The following RIMBP2 variants were observed in gnomAD, a reference collection of about 807,000 sequenced individuals.
RIMBP2 encodes the protein RIMS binding protein 2, also known as RIMS-binding protein 2.
In RIMBP2, 48 loss-of-function variants were observed where a neutral mutation model predicts 118.6. The observed-to-expected ratio is 0.40, with a 90% CI of 0.32 to 0.51. The LOEUF is 0.51. Among genes scored for constraint, RIMBP2 ranks in the 20% least tolerant of loss-of-function variants. RIMBP2 has a pLI of 0.41. For synonymous variants in RIMBP2, 762 were observed against 742.9 expected (o/e 1.03, Z -0.42); for missense variants, 1,551 against 1,768.3 (o/e 0.88, Z 2.20).
intron 2 of RIMBP2, among the ~76,000 whole-genome samples, chr12:130,573,451 C>T (rs1213566283): frequency 6.6e-6 from 1 of 151,620 alleles, no homozygotes; most frequent in Non-Finnish European, 1.5e-5. Context: ...TGGGTGCGTG[C>T]GTGGGTGCAT....
intron 1 of RIMBP2, among the ~76,000 whole-genome samples, chr12:130,634,599 T>G (rs868838300): frequency 2.7e-5 from 4 of 149,716 alleles, no homozygotes; most frequent in African/African-American, 7.3e-5. Flanking sequence ...AGATGACTTT[T>G]TTTTTTTTTC....
In RIMBP2 at chr12:130,442,158, C is replaced by G. The variant is rs1257345764; in HGVS notation, c.1194G>C (p.Gln398His). ...VTSRGSSDELQCTLLVGKDVV... is the reference protein window; with the variant it reads ...VTSRGSSDELHCTLLVGKDVV... ...CGTCCTTGCCCACCAGCAGCGTGCACTGCAGCTCATCCGAGCTGCCCCTGC... is the reference window on the plus strand; with the variant it reads ...CGTCCTTGCCCACCAGCAGCGTGCAGTGCAGCTCATCCGAGCTGCCCCTGC... Residue 398 changes from glutamine (Q) to histidine (H), a missense_variant, in exon 11 of 23, where the codon CAG becomes CAC. Physicochemically the swap from Gln to His is conservative, Grantham distance 24. This residue lies in a region of RIMBP2 where 265 missense variants were observed against 349.5 expected (regional missense o/e 0.76). Transcript: ENST00000690449. The surrounding 1 kb of genome is among the most constrained non-coding windows in gnomAD (Gnocchi z 6.9). 1.2e-6 allele frequency: 2 copies of G among 1,614,068 alleles called. No homozygotes were observed. The highest frequency in any genetic ancestry group is 2.2e-5 in the East Asian group (1 of 44,874).
chr12:130,589,773 G>A (rs79267712), intron 2 of RIMBP2, among the ~76,000 whole-genome samples: 21 of 152,254 alleles, frequency 1.4e-4, no homozygotes, highest in African/African-American at 4.6e-4. Flanking sequence ...AATTGACCCA[G>A]TTTGAATAGC....
chr12:130,448,800 A>G (rs74656296), intron 9 of RIMBP2, among the ~76,000 whole-genome samples: 2,084 of 152,374 alleles, frequency 0.014, 48 homozygotes, highest in African/African-American at 0.048. Context: ...CCCACAGCCC[A>G]GGGGCATCTA....
At chr12:130,495,964 T>C (rs913329449) in intron 4 of RIMBP2, among the ~76,000 whole-genome samples, 1 of 152,234 alleles carries the variant, frequency 6.6e-6, no homozygotes, top group East Asian at 1.9e-4. Flanking sequence ...AATTAGGTCA[T>C]GCTACTGAGA....
chr12:130,649,876 T>G (rs552002143), intron 1 of RIMBP2, among the ~76,000 whole-genome samples: 1 of 152,122 alleles, frequency 6.6e-6, no homozygotes, highest in Admixed American at 6.5e-5. Flanking sequence ...CTTCACACTC[T>G]GCGGGCCCTG....
At chr12:130,472,982 C>T (rs1478660845) in intron 5 of RIMBP2, among the ~76,000 whole-genome samples, 1 of 152,042 alleles carries the variant, frequency 6.6e-6, no homozygotes, top group Non-Finnish European at 1.5e-5. Flanking sequence ...GACAAACAAG[C>T]AGGGAACATA....
At chr12:130,529,732 C>T (rs1235670026) in intron 2 of RIMBP2, among the ~76,000 whole-genome samples, 4 of 152,142 alleles carry the variant, frequency 2.6e-5, no homozygotes, top group East Asian at 1.9e-4. Flanking sequence ...ACCAGCTTCA[C>T]GGAAGACAAG....
chr12:130,454,826 C>T (rs932609494), intron 7 of RIMBP2, among the ~76,000 whole-genome samples: 5 of 152,320 alleles, frequency 3.3e-5, no homozygotes, highest in South Asian at 2.1e-4. Context: ...CTGTGGGCCT[C>T]GGACTCACCG....
At chr12:130,502,777 C>G (rs2049923418) in intron 4 of RIMBP2, among the ~76,000 whole-genome samples, 1 of 152,216 alleles carries the variant, frequency 6.6e-6, no homozygotes, top group African/African-American at 2.4e-5. Context: ...GTGCCTGCAA[C>G]AGTGCCTGGT....
chr12:130,593,899 T>C (rs2059415485), intron 2 of RIMBP2, among the ~76,000 whole-genome samples: 1 of 152,228 alleles, frequency 6.6e-6, no homozygotes, highest in Admixed American at 6.5e-5. Context: ...TAGGTTTCTA[T>C]TTCAATAACG....
chr12:130,486,306 C>T (rs2082468949), intron 4 of RIMBP2, among the ~76,000 whole-genome samples: 1 of 151,848 alleles, frequency 6.6e-6, no homozygotes, highest in African/African-American at 2.4e-5. Context: ...GTGGGGCGCG[C>T]TGACCTGGTC....
At chr12:130,614,254 C>A (rs2060760659) in intron 2 of RIMBP2, among the ~76,000 whole-genome samples, 1 of 152,192 alleles carries the variant, frequency 6.6e-6, no homozygotes, top group African/African-American at 2.4e-5. Context: ...CAAGGACTAA[C>A]ATGAGTTGGG....
intron 1 of RIMBP2, among the ~76,000 whole-genome samples, chr12:130,637,641 G>A (rs998607083): frequency 1.2e-4 from 18 of 152,210 alleles, no homozygotes; most frequent in Non-Finnish European, 2.2e-4. Flanking sequence ...ACTGTCTGCC[G>A]GGAGCAAAGG....
Position 130,436,909 on chromosome 12 carries a change from G to A in RIMBP2, c.2039C>T (p.Pro680Leu), listed in dbSNP as rs371228394. The change falls in exon 13 of 23, where the codon CCG (proline) becomes CTG (leucine). Residue 680 changes from proline to leucine, a missense_variant. Coordinates refer to ENST00000690449, the MANE Select transcript of RIMBP2 (RefSeq NM_001393629.1). ...SRILPQPQGTPVSTTVAKAMA... is the reference protein window; with the variant it reads ...SRILPQPQGTLVSTTVAKAMA... Reference sequence around the variant, plus strand: ...GGCCTTGGCGACGGTGGTGGACACCGGGGTGCCCTGTGGCTGTGGCAGGAT... The same window carrying A: ...GGCCTTGGCGACGGTGGTGGACACCAGGGTGCCCTGTGGCTGTGGCAGGAT... 7.9e-5 allele frequency: 127 copies of A among 1,600,814 alleles called. No homozygotes were observed. Among genetic ancestry groups the A allele is most frequent in the Non-Finnish European group, 1.0e-4 (117 of 1,175,094 alleles).
At chr12:130,440,163 C>T (rs1262394854) in intron 11 of RIMBP2, among the ~76,000 whole-genome samples, 1 of 119,602 alleles carries the variant, frequency 8.4e-6, no homozygotes, top group Non-Finnish European at 1.8e-5. Flanking sequence ...TAACCCTGGC[C>T]GTACCTGCAC....
At chr12:130,460,477 T>C (rs1344483570) in intron 6 of RIMBP2, among the ~76,000 whole-genome samples, 7 of 152,142 alleles carry the variant, frequency 4.6e-5, no homozygotes, top group Admixed American at 4.6e-4. Flanking sequence ...GTGTTTTTTG[T>C]AGGAATAGCA....
chr12:130,553,910 G>T (rs2056084515), intron 2 of RIMBP2, among the ~76,000 whole-genome samples: 1 of 152,194 alleles, frequency 6.6e-6, no homozygotes, highest in African/African-American at 2.4e-5. Flanking sequence ...TGGCCTCAAA[G>T]AATATAGAGA....
intron 1 of RIMBP2, among the ~76,000 whole-genome samples, chr12:130,714,471 T>C (rs1275203744): frequency 6.6e-6 from 1 of 152,124 alleles, no homozygotes; most frequent in Non-Finnish European, 1.5e-5. Flanking sequence ...GGCGCCTGCC[T>C]CCTGCGTGGG....
Sources: allele counts gnomAD v4.1 joint callset (sites outside exome capture counted in the v4.1 genomes callset), GRCh38; gene constraint gnomAD v4.1.1; regional missense constraint gnomAD v4.1.1; non-coding constraint Gnocchi (gnomAD v3.1); transcripts MANE v1.5; gene names NCBI Gene and HGNC (gene_info 2026-07-23, HGNC 2026-07-21).